Variants in AQP7 observed in about 807,000 individuals in gnomAD.
AQP7 encodes aquaporin-7.
AQP7 carries 22 observed loss-of-function variants against 26.1 expected under a neutral mutation model. The ratio of observed to expected loss-of-function variants is 0.84; its 90% CI spans 0.60 to 1.20. AQP7 has a LOEUF of 1.20. AQP7 is among the 50% of genes most tolerant of loss of function. The pLI, the probability that AQP7 is intolerant of heterozygous loss-of-function variation, is 0.00. For missense variants in AQP7, 412 were observed against 457.5 expected (o/e 0.90, Z 0.91); for synonymous variants, 167 against 181.7 (o/e 0.92, Z 0.65).
intron 2 of AQP7, 108 bp from the exon 3 acceptor site, chr9:33,395,303 C>T: frequency 2.3e-6 from 2 of 869,542 alleles, no homozygotes; most frequent in South Asian, 3.0e-5. Context: ...GCAGCCTCGC[C>T]CACACACGCC....
chr9:33,397,100 CAAAA>C (rs35294363), intron 2 of AQP7, among the ~76,000 whole-genome samples: 4 of 78,204 alleles, frequency 5.1e-5, no homozygotes, highest in Admixed American at 1.3e-4. Flanking sequence ...CACCCTGTCT[CAAAA>C]AAAAAAAAAA....
At position 33,402,446 on chromosome 9, in the gene AQP7, C is replaced by T. The variant is rs573072525; in HGVS notation, c.-99G>A. 12 of 152,934 alleles carry T rather than the reference C, an allele frequency of 7.8e-5. No individual in the cohort carries two copies. In the East Asian group the frequency reaches 2.1e-3, roughly 27 times the overall value. 9.5% of individuals were successfully genotyped at this position (152,934 alleles called of 1,614,324 possible). A position where few individuals can be genotyped will look rare whatever the true frequency, so the allele number is the denominator to read the frequency against. On this transcript the variant is annotated 5_prime_UTR_variant, in exon 1 of 8. Coordinates refer to ENST00000297988, the MANE Select transcript of AQP7 (RefSeq NM_001170.3). ...GTTACAGCGCATCTTGATCTTGTTC[C>T]TCCGTGACTGTCCCTGGCTCAGCTT... is the stretch of plus-strand genomic sequence containing the variant.
At chr9:33,386,240 C>T (rs989311447) in intron 5 of AQP7, 45 bp from the exon 6 acceptor site, 1 of 1,611,608 alleles carries the variant, frequency 6.2e-7, no homozygotes, top group Non-Finnish European at 8.5e-7. Context: ...CCAACTAAGC[C>T]CCACCGGGGT....
chr9:33,384,902 AG>A lies in AQP7; in HGVS notation c.*102del, dbSNP rs1239199973. The A allele has an allele frequency of 3.6e-6, 5 of 1,374,174 alleles. No homozygotes were observed. Among genetic ancestry groups the A allele is most frequent in the African/African-American group, 1.5e-5 (1 of 68,758 alleles). 85.1% of individuals were successfully genotyped at this position (1,374,174 alleles called of 1,614,324 possible). ...AGCCCTGGAGCTCCTGTAAGAACCCAGGAGGGAAGCCCAACCACAGGAGGCC... is the reference window on the plus strand; with the variant it reads ...AGCCCTGGAGCTCCTGTAAGAACCCAGAGGGAAGCCCAACCACAGGAGGCC... On this transcript the variant is annotated 3_prime_UTR_variant, in exon 8 of 8. Coordinates refer to ENST00000297988, the MANE Select transcript of AQP7 (RefSeq NM_001170.3).
chr9:33,386,506 A>G lies in AQP7; in HGVS notation c.304T>C (p.Cys102Arg). The G allele has an allele frequency of 3.1e-6, 5 of 1,612,678 alleles. No individual in the cohort carries two copies. The highest frequency in any genetic ancestry group is 3.4e-6 in the Non-Finnish European group (4 of 1,179,354). ...HMNAAVTFAN[C>R]ALGRVPWRKF... The stretch of plus-strand genomic sequence containing the variant: ...CTCCAGGGCACGCGGCCCAGCGCAC[A>G]GTTAGCAAAGGTCACAGCTGCGTTC... The change falls in exon 5 of 8, where the codon TGT (cysteine) becomes CGT (arginine). Residue 102 changes from cysteine to arginine, a missense_variant. Physicochemically the swap from Cys to Arg is radical, Grantham distance 180. Transcript: ENST00000297988.
chr9:33,393,510 C>T (rs533640927), intron 3 of AQP7, among the ~76,000 whole-genome samples: 7 of 152,330 alleles, frequency 4.6e-5, no homozygotes, highest in Non-Finnish European at 7.3e-5. Flanking sequence ...CTCACCCCAC[C>T]TTCCTCTAGC....
At chr9:33,386,884 C>G (rs79906575) in intron 4 of AQP7, 85 bp downstream of exon 4, 3 of 1,585,462 alleles carry the variant, frequency 1.9e-6, no homozygotes, top group Non-Finnish European at 2.6e-6. Flanking sequence ...GCTGTGCTGG[C>G]AAAGAAGCTG....
At chr9:33,395,449 A>G (rs1337114647) in intron 2 of AQP7, 2 of 484,932 alleles carry the variant, frequency 4.1e-6, no homozygotes, top group Non-Finnish European at 7.4e-6. Context: ...TGGCACACCA[A>G]TGAGGCCACT....
chr9:33,393,186 C>T (rs1176385937), intron 3 of AQP7, among the ~76,000 whole-genome samples: 1 of 152,174 alleles, frequency 6.6e-6, no homozygotes, highest in East Asian at 1.9e-4. Flanking sequence ...TGAGATCACA[C>T]CACTGCACTC....
intron 2 of AQP7, among the ~76,000 whole-genome samples, chr9:33,400,590 T>G (rs1826194449): frequency 6.6e-6 from 1 of 152,128 alleles, no homozygotes; most frequent in East Asian, 1.9e-4. Flanking sequence ...AAGAACAGCC[T>G]GGCGAACATG....
At chr9:33,392,803 C>T (rs982768598) in intron 3 of AQP7, among the ~76,000 whole-genome samples, 2 of 152,198 alleles carry the variant, frequency 1.3e-5, no homozygotes, top group African/African-American at 4.8e-5. Flanking sequence ...GAGGAGAGAG[C>T]AGCTAGAGCA....
At chr9:33,402,091 T>C (rs12555256) in intron 1 of AQP7, among the ~76,000 whole-genome samples, 1 of 152,104 alleles carries the variant, frequency 6.6e-6, no homozygotes, top group Non-Finnish European at 1.5e-5. Flanking sequence ...ACAGCCCAGC[T>C]CAGTGCATCC....
At chr9:33,394,453 C>G (rs1281036160) in intron 3 of AQP7, among the ~76,000 whole-genome samples, 1 of 151,800 alleles carries the variant, frequency 6.6e-6, no homozygotes, top group African/African-American at 2.4e-5. Context: ...TATCAGAGCC[C>G]GATCATCAAG....
chr9:33,394,216 T>C (rs1175688188), intron 3 of AQP7: 1 of 152,428 alleles, frequency 6.6e-6, no homozygotes, highest in African/African-American at 2.4e-5. Context: ...TGATTCTGTC[T>C]TCCACAGCCC....
chr9:33,397,252 T>C (rs890927036), intron 2 of AQP7, among the ~76,000 whole-genome samples: 21 of 152,284 alleles, frequency 1.4e-4, no homozygotes, highest in African/African-American at 4.6e-4. Flanking sequence ...GGTTGTTGCC[T>C]GCCGTGTGCT....
chr9:33,397,078 G>A lies in AQP7; in HGVS notation c.27-1883C>T, dbSNP rs1564190832. Among the ~76,000 whole-genome samples the A allele has an allele frequency of 3.4e-5, 5 of 145,574 alleles. No individual in the cohort carries two copies. In the South Asian group the frequency reaches 1.1e-3, roughly 32 times the overall value. ...ATCACACCACTGCACTCCAGCATGG[G>A]TGACAGAGTGACACCCTGTCTCAAA... On this transcript the variant is annotated intron_variant, in intron 2 of 7. Coordinates refer to ENST00000297988, the MANE Select transcript of AQP7 (RefSeq NM_001170.3).
rs534530927 is a variant in AQP7, at chr9:33,398,755, A to C, written c.26+2482T>G. Among the ~76,000 whole-genome samples the C allele has an allele frequency of 2.0e-5, 3 of 152,096 alleles. No individual in the cohort carries two copies. The East Asian group carries it at 5.8e-4, about 30-fold the overall frequency. ...GCTGGTCATGTGGTCTCACTTACAG[A>C]CACATTTGGAGGACAGCAAATCACA... On this transcript the variant is annotated intron_variant, in intron 2 of 7. Transcript: ENST00000297988.
At chr9:33,397,907 G>C (rs1046083140) in intron 2 of AQP7, among the ~76,000 whole-genome samples, 8 of 152,186 alleles carry the variant, frequency 5.3e-5, no homozygotes, top group African/African-American at 1.7e-4. Context: ...ACCAGCCAAT[G>C]AACTCAAGAT....
intron 2 of AQP7, among the ~76,000 whole-genome samples, chr9:33,399,438 TA>T (rs11392660): frequency 8.3e-5 from 12 of 144,890 alleles, no homozygotes; most frequent in Non-Finnish European, 9.1e-5. Flanking sequence ...CCACTAATAA[TA>T]AAAAAAAAAT....
Sources: gnomAD v4.1 joint callset for allele counts (sites outside exome capture counted in the v4.1 genomes callset) on GRCh38, gnomAD v4.1.1 for gene constraint, MANE v1.5 for transcripts, NCBI Gene and HGNC (gene_info 2026-07-23, HGNC 2026-07-21) for gene names.